FSHR: variants seen among roughly 807,000 people sequenced by gnomAD.
The protein encoded by FSHR is follicle stimulating hormone receptor, also known as follicle-stimulating hormone receptor.
A neutral mutation model predicts 52.1 loss-of-function variants in FSHR; 46 were observed. The observed-to-expected ratio is 0.88, with a 90% CI of 0.70 to 1.13. The LOEUF (loss-of-function observed/expected upper bound fraction) is 1.13. FSHR is among the 50% of genes most tolerant of loss of function. The pLI is 0.00. For missense variants in FSHR, 964 were observed against 834.6 expected, an observed-to-expected ratio of 1.16 and a Z score of -1.91; for synonymous variants, 399 against 309.6, an observed-to-expected ratio of 1.29 and a Z score of -3.03.
At chr2:49,019,528 G>A (rs1484010862) in intron 3 of FSHR, among the ~76,000 whole-genome samples, 1 of 152,172 alleles carries the variant, frequency 6.6e-6, no homozygotes, top group Non-Finnish European at 1.5e-5. Context: ...GAGGAACCAA[G>A]GATCATTATA....
chr2:49,019,974 C>T, intron 3 of FSHR, 112 bp downstream of exon 3: 1 of 918,774 alleles, frequency 1.1e-6, no homozygotes, highest in South Asian at 1.3e-5. Flanking sequence ...CTTATAATGA[C>T]AATCTAGGGA....
chr2:48,983,006 A>G lies in FSHR; in HGVS notation c.594-20T>C, dbSNP rs1243115462. Reference sequence around the variant, plus strand: ...AGATTCCTGGGGATGGGGTTGAGGAAAGAAGAAGGAAAACACAAAGCCACA... The same window carrying G: ...AGATTCCTGGGGATGGGGTTGAGGAGAGAAGAAGGAAAACACAAAGCCACA... On this transcript the variant is annotated intron_variant, in intron 7 of 9. Coordinates refer to ENST00000406846, the MANE Select transcript of FSHR (RefSeq NM_000145.4). 1 of 1,612,354 alleles carries G rather than the reference A, an allele frequency of 6.2e-7. No homozygotes were observed. The highest frequency in any genetic ancestry group is 8.5e-7 in the Non-Finnish European group (1 of 1,178,396).
intron 2 of FSHR, among the ~76,000 whole-genome samples, chr2:49,053,667 A>G (rs1312484493): frequency 6.6e-6 from 1 of 152,190 alleles, no homozygotes; most frequent in Non-Finnish European, 1.5e-5. Context: ...TCTAATGCAC[A>G]AACTTCTATT....
intron 1 of FSHR, among the ~76,000 whole-genome samples, chr2:49,091,143 T>A (rs921626208): frequency 2.0e-5 from 3 of 151,464 alleles, no homozygotes; most frequent in Admixed American, 6.6e-5. Flanking sequence ...ATTTTTTTTT[T>A]AATGGATTGT....
chr2:49,094,411 A>G (rs1477569731), intron 1 of FSHR, among the ~76,000 whole-genome samples: 1 of 152,150 alleles, frequency 6.6e-6, no homozygotes, highest in Non-Finnish European at 1.5e-5. Flanking sequence ...TATTGTAGAC[A>G]TTTTGCCATT....
chr2:49,125,991 C>T (rs572027802), intron 1 of FSHR, among the ~76,000 whole-genome samples: 64 of 152,234 alleles, frequency 4.2e-4, no homozygotes, highest in African/African-American at 1.1e-3. Flanking sequence ...CTCCTGCTGC[C>T]GCTTAATCAT....
chr2:48,995,625 A>G (rs770403110), intron 4 of FSHR, among the ~76,000 whole-genome samples: 1 of 152,104 alleles, frequency 6.6e-6, no homozygotes, highest in Non-Finnish European at 1.5e-5. Flanking sequence ...AAGCCACTTT[A>G]TGGGGCTGCA....
intron 9 of FSHR, among the ~76,000 whole-genome samples, chr2:48,966,545 C>T (rs1346887295): frequency 6.6e-6 from 1 of 152,134 alleles, no homozygotes; most frequent in Admixed American, 6.5e-5. Context: ...ACAGGGGCCT[C>T]ATGTTTACAC....
At chr2:49,080,489 C>A (rs773977624) in intron 1 of FSHR, among the ~76,000 whole-genome samples, 2 of 152,060 alleles carry the variant, frequency 1.3e-5, no homozygotes, top group Non-Finnish European at 2.9e-5. Flanking sequence ...TATATTTACA[C>A]AATGCCAAAT....
chr2:49,076,413 A>G (rs1270541895), intron 1 of FSHR, among the ~76,000 whole-genome samples: 2 of 152,154 alleles, frequency 1.3e-5, no homozygotes, highest in Non-Finnish European at 2.9e-5. Context: ...CTTAGTCACT[A>G]TCGTGAAAAC....
intron 6 of FSHR, among the ~76,000 whole-genome samples, chr2:48,984,834 A>T (rs748428761): frequency 6.6e-6 from 1 of 152,220 alleles, no homozygotes; most frequent in Non-Finnish European, 1.5e-5. Context: ...AATCAAATAA[A>T]ACATAAACTA....
intron 1 of FSHR, among the ~76,000 whole-genome samples, chr2:49,087,529 T>C (rs1430173924): frequency 6.6e-6 from 1 of 152,188 alleles, no homozygotes; most frequent in Non-Finnish European, 1.5e-5. Flanking sequence ...AATTAGCTTA[T>C]GTTCTAGCCA....
At position 49,017,494 on chromosome 2, in the gene FSHR, T is replaced by A. The variant is rs1351621076; in HGVS notation, c.369A>T (p.Gln123His). Residue 123 changes from glutamine to histidine, a missense_variant, in exon 4 of 10, where the codon CAA becomes CAT. Coordinates refer to ENST00000406846, the MANE Select transcript of FSHR (RefSeq NM_000145.4). ...PEAFQNLPNL[Q>H]YLLISNTGIK... ...CAAACTACATGAGTTCTTACAGATA[T>A]TGAAGGTTGGGAAGGTTCTGGAAGG... 1.2e-6 allele frequency: 2 copies of A among 1,611,074 alleles called. No homozygotes were observed. The highest frequency in any genetic ancestry group is 1.7e-6 in the Non-Finnish European group (2 of 1,177,700).
rs1558456695 is a variant in FSHR at position 49,127,831 on chromosome 2, TC to T, written c.152+26434del. On this transcript the variant is annotated intron_variant, in intron 1 of 9. Transcript: ENST00000406846. ...TTCTTCTTCTTCTTCTTCTTCTTCC[TC>T]TTCTTCTTCTTCTTCTTCTTCTTCT... Among the ~76,000 whole-genome samples the T allele has an allele frequency of 8.7e-4, 6 of 6,860 alleles. 1 individual carries two copies. The highest frequency in any genetic ancestry group is 6.5e-3 in the African/African-American group (6 of 928). 4.5% of individuals were successfully genotyped at this position (6,860 alleles called of 152,430 possible). A position where few individuals can be genotyped will look rare whatever the true frequency, so the allele number is the denominator to read the frequency against.
At chr2:49,103,226 C>T (rs541607590) in intron 1 of FSHR, among the ~76,000 whole-genome samples, 3 of 152,108 alleles carry the variant, frequency 2.0e-5, no homozygotes, top group Admixed American at 6.5e-5. Flanking sequence ...AATAGGAGCC[C>T]CTGAGGATAT....
rs1674601192 is a variant in FSHR at position 48,968,855 on chromosome 2, G to A, written c.697C>T (p.Leu233=). 3 of 1,613,802 alleles carry A rather than the reference G, an allele frequency of 1.9e-6. No individual in the cohort carries two copies. The African/African-American group carries it at 4.0e-5, about 22-fold the overall frequency. The change falls in exon 9 of 10, where the codon CTG becomes TTG. Residue 233 remains leucine (L), a synonymous_variant. Transcript: ENST00000406846. ...LDISRTRIHS[L]PSYGLENLKK... is the part of the protein sequence containing the mutation. The stretch of plus-strand genomic sequence containing the variant: ...AGATTTTCTAAGCCATAGCTAGGCA[G>A]GGAATGGATCCTTGTTCTTGAAATA...
intron 1 of FSHR, among the ~76,000 whole-genome samples, chr2:49,092,608 TTTAA>T (rs1375818684): frequency 6.6e-6 from 1 of 152,174 alleles, no homozygotes; most frequent in Non-Finnish European, 1.5e-5. Flanking sequence ...TCTTTAGTCT[TTTAA>T]TTACATTGTA....
At chr2:49,070,762 C>A (rs1003323201) in intron 1 of FSHR, among the ~76,000 whole-genome samples, 4 of 152,152 alleles carry the variant, frequency 2.6e-5, no homozygotes, top group African/African-American at 7.2e-5. Flanking sequence ...TTAAAATCTT[C>A]ACTGACCTCT....
At chr2:49,123,632 T>C (rs1482916583) in intron 1 of FSHR, among the ~76,000 whole-genome samples, 1 of 152,220 alleles carries the variant, frequency 6.6e-6, no homozygotes, top group Admixed American at 6.5e-5. Flanking sequence ...ATTTATATAA[T>C]GATTGTTTGT....
Sources: gnomAD v4.1 joint callset for allele counts (sites outside exome capture counted in the v4.1 genomes callset) on GRCh38, gnomAD v4.1.1 for gene constraint, MANE v1.5 for transcripts, NCBI Gene and HGNC (gene_info 2026-07-23, HGNC 2026-07-21) for gene names.